STOX2: variants seen among roughly 807,000 people sequenced by gnomAD.
STOX2 encodes the protein storkhead-box protein 2.
In STOX2, 28 loss-of-function variants were observed where a neutral mutation model predicts 60.9. The ratio of observed to expected loss-of-function variants is 0.46; its 90% CI spans 0.34 to 0.63. STOX2 has a LOEUF of 0.63. Among genes scored for constraint, STOX2 ranks in the 30% least tolerant of loss-of-function variants. STOX2 has a pLI of 0.01. For synonymous variants in STOX2, 472 were observed against 463.9 expected (o/e 1.02, Z -0.22); for missense variants, 1,024 against 1,187.7 (o/e 0.86, Z 2.03).
At chr4:183,872,983 T>G (rs941692358) in intron 1 of STOX2, among the ~76,000 whole-genome samples, 1 of 152,194 alleles carries the variant, frequency 6.6e-6, no homozygotes, top group Non-Finnish European at 1.5e-5. Context: ...CTGAAACTTG[T>G]CTATAAGCTG....
At chr4:183,889,998 G>A (rs1413949257) in intron 1 of STOX2, among the ~76,000 whole-genome samples, 4 of 152,164 alleles carry the variant, frequency 2.6e-5, no homozygotes. Flanking sequence ...AGCCTGAGAA[G>A]CTTCTAGGTT....
rs141068314 is a variant in STOX2 at position 183,946,880 on chromosome 4, G to A, written c.166+39924G>A. Among the ~76,000 whole-genome samples the A allele has an allele frequency of 3.7e-3, 566 of 152,216 alleles. 5 individuals carry two copies. The highest frequency in any genetic ancestry group is 0.013 in the African/African-American group (533 of 41,526). On this transcript the variant is annotated intron_variant, in intron 1 of 3. Transcript: ENST00000308497. ...GACCTTGTGATCCACCCCCTCCTTG[G>A]CCTCCCAGAGTGCTGGGATTACAGG...
chr4:183,826,340 G>T (rs1739431261), intron 1 of STOX2, among the ~76,000 whole-genome samples: 1 of 151,994 alleles, frequency 6.6e-6, no homozygotes, highest in African/African-American at 2.4e-5. Flanking sequence ...CCTCATCAGC[G>T]AACCTGTTCC....
intron 1 of STOX2, among the ~76,000 whole-genome samples, chr4:183,883,291 C>T (rs1740996756): frequency 6.6e-6 from 1 of 151,864 alleles, no homozygotes; most frequent in Non-Finnish European, 1.5e-5. Context: ...TTATTAAATA[C>T]CCCATAGTTG....
chr4:183,855,995 CT>C (rs1370660193), intron 1 of STOX2, among the ~76,000 whole-genome samples: 1 of 152,216 alleles, frequency 6.6e-6, no homozygotes, highest in East Asian at 1.9e-4. Context: ...GTAGGGCAAG[CT>C]TTGCTGAAGG....
intron 1 of STOX2, among the ~76,000 whole-genome samples, chr4:183,951,078 T>A (rs7686657): frequency 0.44 from 65,976 of 151,054 alleles, 17,025 homozygotes; most frequent in African/African-American, 0.73. Flanking sequence ...TAGCCGGGCG[T>A]GGTGGCGGGC....
In STOX2 at chr4:183,841,659, A is replaced by T. The variant is rs184774847; in HGVS notation, c.364+43604A>T. ...TGAACATTTAAAACAACTTTTTAGA[A>T]TAGGTAAGAAGTTGAGAAAATAGAG... On this transcript the variant is annotated intron_variant, in intron 1 of 2. Coordinates refer to the STOX2 transcript ENST00000513034. Among the ~76,000 whole-genome samples the T allele has an allele frequency of 3.3e-3, 499 of 152,326 alleles. 1 individual carries two copies. The highest frequency in any genetic ancestry group is 5.3e-3 in the Non-Finnish European group (359 of 68,024).
At chr4:183,957,183 T>TAAA (rs907240524) in intron 1 of STOX2, among the ~76,000 whole-genome samples, 4 of 141,140 alleles carry the variant, frequency 2.8e-5, no homozygotes, top group Non-Finnish European at 6.3e-5. Flanking sequence ...ATAATAATAA[T>TAAA]AAAAGAAAAA....
At chr4:183,864,686 G>C (rs147703374) in intron 1 of STOX2, among the ~76,000 whole-genome samples, 1 of 152,042 alleles carries the variant, frequency 6.6e-6, no homozygotes, top group African/African-American at 2.4e-5. Context: ...GAGCCACTGC[G>C]CCCGGCCAAA....
At chr4:183,827,607 C>T (rs948360248) in intron 1 of STOX2, among the ~76,000 whole-genome samples, 1 of 152,208 alleles carries the variant, frequency 6.6e-6, no homozygotes, top group African/African-American at 2.4e-5. Context: ...TTGGTGCTGT[C>T]ACCTCTATCT....
chr4:183,959,681 G>A (rs924512188), intron 1 of STOX2, among the ~76,000 whole-genome samples: 1 of 152,134 alleles, frequency 6.6e-6, no homozygotes, highest in Admixed American at 6.5e-5. Flanking sequence ...TCAGAATCAT[G>A]TTAAATAAAA....
At position 184,017,690 on chromosome 4, in the gene STOX2, A is replaced by AG. The variant is rs1307987234; in HGVS notation, c.*406_*407insG. On this transcript the variant is annotated 3_prime_UTR_variant, in exon 4 of 4. Coordinates refer to ENST00000308497, the MANE Select transcript of STOX2 (RefSeq NM_020225.3). ...ACAGAACTGATCCTTGACACTTCCAAAAAAAAAAAAACAAAACAAAACAAA... is the reference window on the plus strand; with the variant it reads ...ACAGAACTGATCCTTGACACTTCCAAGAAAAAAAAAAACAAAACAAAACAAA... 2 of 151,244 alleles carry AG rather than the reference A, an allele frequency of 1.3e-5. No homozygotes were observed. Among genetic ancestry groups the AG allele is most frequent in the East Asian group, 3.9e-4 (2 of 5,176 alleles). 9.4% of individuals were successfully genotyped at this position (151,244 alleles called of 1,614,324 possible).
At position 184,011,376 on chromosome 4, in the gene STOX2, CA is replaced by C. The variant is rs1734167189; in HGVS notation, c.2539del (p.Met847TrpfsTer39). 6.2e-7 allele frequency: 1 copy of C among 1,613,432 alleles called. No homozygotes were observed. The highest frequency in any genetic ancestry group is 1.7e-5 in the Admixed American group (1 of 59,928). The stretch of plus-strand genomic sequence containing the variant: ...CCACCCATTCAGCCCGGCTCGACAG[CA>C]TGGACAGCAGCAGCATCACAGTGGA... The part of the protein sequence containing the change: ...RATHSARLDS[M>X]DSSSITVDSG... On this transcript the variant is annotated frameshift_variant, in exon 3 of 4. Transcript: ENST00000308497. LOFTEE classifies it high-confidence loss of function. This position sits in a 1 kb window ranked among gnomAD's most constrained non-coding sequence, Gnocchi z 4.4.
intron 1 of STOX2, among the ~76,000 whole-genome samples, chr4:183,925,980 C>A (rs900523380): frequency 6.6e-6 from 1 of 151,992 alleles, no homozygotes; most frequent in African/African-American, 2.4e-5. Context: ...TTTAACCTGG[C>A]CCTATCCCAT....
chr4:183,912,098 A>G (rs1303679666), intron 1 of STOX2, among the ~76,000 whole-genome samples: 1 of 152,230 alleles, frequency 6.6e-6, no homozygotes, highest in African/African-American at 2.4e-5. Flanking sequence ...TCCCACTTAA[A>G]TATTTCTAAA....
chr4:183,839,049 G>GCACACACACA lies in STOX2; in HGVS notation c.364+41007_364+41016dup, dbSNP rs369296969. On this transcript the variant is annotated intron_variant, in intron 1 of 2. Transcript: ENST00000513034. Reference sequence around the variant, plus strand: ...CACACACACACACACAGGTACACATGCACACACACACACACACACACAGAG... The same window carrying GCACACACACA: ...CACACACACACACACAGGTACACATGCACACACACACACACACACACACACACACACAGAG... Among the ~76,000 whole-genome samples the GCACACACACA allele has an allele frequency of 2.0e-4, 29 of 148,658 alleles. 1 individual carries two copies. In the East Asian group the frequency reaches 2.8e-3, roughly 14 times the overall value.
chr4:183,887,885 A>T (rs1479990367), intron 1 of STOX2, among the ~76,000 whole-genome samples: 1 of 152,092 alleles, frequency 6.6e-6, no homozygotes, highest in Non-Finnish European at 1.5e-5. Context: ...CTGGGACTAT[A>T]AGTGTATACC....
At chr4:183,878,240 A>G (rs959304353) in intron 1 of STOX2, among the ~76,000 whole-genome samples, 5 of 152,164 alleles carry the variant, frequency 3.3e-5, no homozygotes, top group African/African-American at 1.2e-4. Context: ...ACATTTTTAG[A>G]TTCAGTGAAC....
At chr4:183,884,043 G>A (rs571405215) in intron 1 of STOX2, among the ~76,000 whole-genome samples, 4 of 152,040 alleles carry the variant, frequency 2.6e-5, no homozygotes, top group African/African-American at 9.6e-5. Context: ...TAGTAGAGAT[G>A]TGGTTTCACC....
Sources: gnomAD v4.1 joint callset for allele counts (sites outside exome capture counted in the v4.1 genomes callset) on GRCh38, gnomAD v4.1.1 for gene constraint, Gnocchi (gnomAD v3.1) non-coding constraint, MANE v1.5 for transcripts, NCBI Gene and HGNC (gene_info 2026-07-23, HGNC 2026-07-21) for gene names.